Variants in CDC5L observed in about 807,000 individuals in gnomAD.
CDC5L encodes cell division cycle 5-like protein.
In CDC5L, 18 loss-of-function variants were observed where a neutral mutation model predicts 104.1. The observed-to-expected ratio is 0.17, with a 90% confidence interval of 0.12 to 0.26. The LOEUF is 0.26. Among genes scored for constraint, CDC5L ranks in the 10% least tolerant of loss-of-function variants. CDC5L has a pLI of 1.00. For synonymous variants in CDC5L, 331 were observed against 322.7 expected (o/e 1.03, Z -0.28); for missense variants, 673 against 956.9 (o/e 0.70, Z 3.91).
Position 44,445,664 on chromosome 6 carries a change from G to A in CDC5L, c.2101G>A (p.Gly701Ser), listed in dbSNP as rs758564138. The A allele has an allele frequency of 2.5e-6, 4 of 1,613,118 alleles. No homozygotes were observed. In the South Asian group the frequency reaches 3.3e-5, roughly 13 times the overall value. The change falls in exon 15 of 16, where the codon GGT (glycine) becomes AGT (serine). Residue 701 changes from glycine to serine, a missense_variant. Coordinates refer to ENST00000371477, the MANE Select transcript of CDC5L (RefSeq NM_001253.4). ...SLEKRLEINR[G>S]HMTTEAKRAA... ...TTCCCCTGCTCTCCAGATAAACAGG[G>A]GTCACATGACGACAGAAGCCAAGAG...
chr6:44,392,080 A>T (rs1408256408), intron 2 of CDC5L, among the ~76,000 whole-genome samples: 2 of 152,164 alleles, frequency 1.3e-5, no homozygotes, highest in Non-Finnish European at 2.9e-5. Context: ...TCCTGCTGTC[A>T]TATTTGGTAG....
intron 10 of CDC5L, 31 bp from the exon 11 acceptor site, chr6:44,424,388 T>TTC: frequency 2.5e-6 from 4 of 1,596,466 alleles, no homozygotes; most frequent in Non-Finnish European, 3.4e-6. Context: ...TTAATATGCA[T>TTC]GAATTGAGAA....
At chr6:44,411,079 A>G (rs1021117757) in intron 8 of CDC5L, among the ~76,000 whole-genome samples, 3 of 149,388 alleles carry the variant, frequency 2.0e-5, no homozygotes, top group African/African-American at 7.4e-5. Context: ...TTTTGTTTTT[A>G]TAAGTTTTCT....
chr6:44,419,173 G>A (rs2153380462), intron 8 of CDC5L, among the ~76,000 whole-genome samples: 1 of 152,122 alleles, frequency 6.6e-6, no homozygotes, highest in East Asian at 1.9e-4. Context: ...ATTAATTTTT[G>A]TATAAGGTGT....
At position 44,419,156 on chromosome 6, in the gene CDC5L, A is replaced by G. The variant is rs1003312222; in HGVS notation, c.1093-293A>G. On this transcript the variant is annotated intron_variant, in intron 8 of 15. Transcript: ENST00000371477. ...GGTCTAACATTTAAGTCTTTAATCC[A>G]TCTTGAATTAATTTTTGTATAAGGT... 2.6e-5 allele frequency among the ~76,000 whole-genome samples: 4 copies of G among 152,074 alleles called. No individual in the cohort carries two copies. The East Asian group carries it at 7.7e-4, about 29-fold the overall frequency.
chr6:44,404,722 TCTCA>T (rs1352280023), intron 6 of CDC5L, among the ~76,000 whole-genome samples: 1 of 151,954 alleles, frequency 6.6e-6, no homozygotes, highest in Non-Finnish European at 1.5e-5. Context: ...TAAGACAAGG[TCTCA>T]CTCTTATCAC....
In CDC5L at chr6:44,422,779, C is replaced by G. The variant is rs1298525575; in HGVS notation, c.1374C>G (p.Asp458Glu). 1.4e-5 allele frequency: 22 copies of G among 1,612,212 alleles called. No individual in the cohort carries two copies. The East Asian group carries it at 4.9e-4, about 36-fold the overall frequency. ...TTAATCCCGAGGATGGAATGGCAGACTATAGTGATCCCTCTTACGTGAAGC... is the reference window on the plus strand; with the variant it reads ...TTAATCCCGAGGATGGAATGGCAGAGTATAGTGATCCCTCTTACGTGAAGC... ...LNINPEDGMADYSDPSYVKQM... is the reference protein window; with the variant it reads ...LNINPEDGMAEYSDPSYVKQM... The change falls in exon 10 of 16, where the codon GAC becomes GAG. Residue 458 changes from aspartate to glutamate, a missense_variant. Physicochemically the swap from Asp to Glu is conservative, Grantham distance 45. Transcript: ENST00000371477.
chr6:44,429,421 C>T (rs1236399643), intron 13 of CDC5L, among the ~76,000 whole-genome samples: 1 of 152,128 alleles, frequency 6.6e-6, no homozygotes, highest in Non-Finnish European at 1.5e-5. Flanking sequence ...TAGTTTCTCA[C>T]ACACACAATA....
chr6:44,413,290 A>C (rs1791740905), intron 8 of CDC5L, among the ~76,000 whole-genome samples: 1 of 152,156 alleles, frequency 6.6e-6, no homozygotes, highest in Non-Finnish European at 1.5e-5. Flanking sequence ...TTATATCGTC[A>C]AGGTTCATCC....
intron 4 of CDC5L, 62 bp downstream of exon 4, chr6:44,393,635 T>C (rs1790722551): frequency 6.6e-7 from 1 of 1,506,206 alleles, no homozygotes; most frequent in Non-Finnish European, 9.0e-7. Context: ...GGCCTCACTC[T>C]TTTAGTTCCT....
rs1792330092 is a variant in CDC5L, at chr6:44,424,491, G to A, written c.1477G>A (p.Val493Ile). 1 of 1,613,798 alleles carries A rather than the reference G, an allele frequency of 6.2e-7. No homozygotes were observed. Among genetic ancestry groups the A allele is most frequent in the South Asian group, 1.1e-5 (1 of 91,072 alleles). ...TGCCCCTAAGAATGATTTTGAAATT[G>A]TTCTACCAGAAAATGCCGAGAAGGA... ...LPAPKNDFEI[V>I]LPENAEKELE... The change falls in exon 11 of 16, where the codon GTT becomes ATT. Residue 493 changes from valine to isoleucine, a missense_variant. Physicochemically the swap from Val to Ile is conservative, Grantham distance 29. Around this residue, in one of 4 missense-constraint regions of CDC5L, gnomAD observed 578 missense variants for 737.0 expected, o/e 0.78. Transcript: ENST00000371477.
intron 6 of CDC5L, 77 bp from the exon 7 acceptor site, chr6:44,406,246 T>G: frequency 9.2e-7 from 1 of 1,082,624 alleles, no homozygotes; most frequent in Non-Finnish European, 1.3e-6. Context: ...TTCAAAGGGT[T>G]TGAGTATTTG....
At chr6:44,404,282 C>T (rs1406443890) in intron 6 of CDC5L, among the ~76,000 whole-genome samples, 1 of 151,830 alleles carries the variant, frequency 6.6e-6, no homozygotes, top group Non-Finnish European at 1.5e-5. Context: ...GTAGCTAGGC[C>T]TTCAGGTGCA....
intron 4 of CDC5L, among the ~76,000 whole-genome samples, chr6:44,393,959 C>T (rs1790736745): frequency 6.6e-6 from 1 of 152,232 alleles, no homozygotes; most frequent in Non-Finnish European, 1.5e-5. Flanking sequence ...AGCCACCATA[C>T]CTGATCCCCA....
chr6:44,419,106 T>G (rs890191296), intron 8 of CDC5L, among the ~76,000 whole-genome samples: 2 of 152,116 alleles, frequency 1.3e-5, no homozygotes, highest in African/African-American at 4.8e-5. Context: ...TGCCTAGGTT[T>G]TCTTCTAGGG....
At chr6:44,421,831 A>C (rs1302479259) in intron 9 of CDC5L, among the ~76,000 whole-genome samples, 1 of 152,168 alleles carries the variant, frequency 6.6e-6, no homozygotes. Context: ...GAGTATCTGC[A>C]GGGAGTTGAG....
intron 13 of CDC5L, 144 bp from the exon 14 acceptor site, chr6:44,429,569 A>G (rs1165450046): frequency 4.8e-6 from 3 of 629,786 alleles, no homozygotes; most frequent in South Asian, 4.3e-5. Flanking sequence ...TTTCCTAGGT[A>G]TTGTTATCCA....
At chr6:44,402,382 T>C (rs1454696105) in intron 5 of CDC5L, among the ~76,000 whole-genome samples, 1 of 152,224 alleles carries the variant, frequency 6.6e-6, no homozygotes, top group Non-Finnish European at 1.5e-5. Context: ...TTAAAGTAGA[T>C]TTTCTTGATT....
At chr6:44,415,888 T>C (rs1791885789) in intron 8 of CDC5L, among the ~76,000 whole-genome samples, 2 of 152,212 alleles carry the variant, frequency 1.3e-5, no homozygotes, top group Non-Finnish European at 2.9e-5. Flanking sequence ...TATGATTGGT[T>C]GAAGCCCTTT....
Sources: allele counts gnomAD v4.1 joint callset (sites outside exome capture counted in the v4.1 genomes callset), GRCh38; gene constraint gnomAD v4.1.1; regional missense constraint gnomAD v4.1.1; transcripts MANE v1.5; gene names NCBI Gene and HGNC (gene_info 2026-07-23, HGNC 2026-07-21).